KSR2: variants seen among roughly 807,000 people sequenced by gnomAD.
KSR2 encodes kinase suppressor of ras 2.
A neutral mutation model predicts 107.8 loss-of-function variants in KSR2; 25 were observed. The ratio of observed to expected loss-of-function variants is 0.23; its 90% CI spans 0.17 to 0.32. KSR2 has a LOEUF of 0.32. KSR2 is among the 10% of genes least tolerant of loss of function. KSR2 has a pLI of 1.00. For missense variants in KSR2, 887 were observed against 1,268.9 expected (o/e 0.70, Z 4.57); for synonymous variants, 480 against 507.0 (o/e 0.95, Z 0.71).
chr12:117,777,107 T>TATACAC (rs58787858), intron 3 of KSR2, among the ~76,000 whole-genome samples: 1 of 66,156 alleles, frequency 1.5e-5, no homozygotes, highest in African/African-American at 6.0e-5. Context: ...TATATATATA[T>TATACAC]ACACACACAC....
chr12:117,486,276 C>T (rs909696073), intron 14 of KSR2, among the ~76,000 whole-genome samples: 2 of 152,158 alleles, frequency 1.3e-5, no homozygotes, highest in East Asian at 1.9e-4. Flanking sequence ...GAGTTCATTT[C>T]GAGGACCAGT....
intron 1 of KSR2, among the ~76,000 whole-genome samples, chr12:117,895,402 T>C (rs1002658825): frequency 6.6e-6 from 1 of 152,118 alleles, no homozygotes; most frequent in South Asian, 2.1e-4. Context: ...GTTCTCTAAC[T>C]TGGCTGCACA....
intron 1 of KSR2, among the ~76,000 whole-genome samples, chr12:117,876,675 G>C: frequency 6.6e-6 from 1 of 150,998 alleles, no homozygotes; most frequent in Non-Finnish European, 1.5e-5. Context: ...TACTATATAT[G>C]TATACTGTAT....
chr12:117,632,598 G>A (rs892389250), intron 5 of KSR2, among the ~76,000 whole-genome samples: 6 of 152,022 alleles, frequency 3.9e-5, no homozygotes, highest in African/African-American at 7.2e-5. Context: ...GGTAAATTGC[G>A]TGTCATGGGG....
At chr12:117,474,464 G>C (rs1871653391) in intron 17 of KSR2, among the ~76,000 whole-genome samples, 1 of 151,852 alleles carries the variant, frequency 6.6e-6, no homozygotes, top group Non-Finnish European at 1.5e-5. Flanking sequence ...CTTTTCCAAG[G>C]AAGACTGTCT....
chr12:117,812,455 T>A (rs1891221232), intron 3 of KSR2, among the ~76,000 whole-genome samples: 1 of 152,172 alleles, frequency 6.6e-6, no homozygotes, highest in South Asian at 2.1e-4. Flanking sequence ...AGAGAGTTGA[T>A]CTAGACAGTT....
intron 1 of KSR2, among the ~76,000 whole-genome samples, chr12:117,953,229 T>A (rs1234377296): frequency 6.7e-6 from 1 of 150,044 alleles, no homozygotes; most frequent in Non-Finnish European, 1.5e-5. Context: ...CTGGTGGGAA[T>A]GTAAAAAACG....
At chr12:117,539,129 C>G (rs1193256823) in intron 10 of KSR2, among the ~76,000 whole-genome samples, 1 of 152,194 alleles carries the variant, frequency 6.6e-6, no homozygotes, top group African/African-American at 2.4e-5. Context: ...CTAGAGGAAC[C>G]TTCCAGATTA....
intron 1 of KSR2, among the ~76,000 whole-genome samples, chr12:117,888,576 C>T (rs1466161803): frequency 1.3e-5 from 2 of 152,118 alleles, no homozygotes; most frequent in South Asian, 4.2e-4. Flanking sequence ...GATCAGTGTC[C>T]TTCTAGGAAC....
intron 16 of KSR2, among the ~76,000 whole-genome samples, chr12:117,477,253 G>C (rs575664187): frequency 1.3e-5 from 2 of 152,288 alleles, no homozygotes; most frequent in South Asian, 4.1e-4. Flanking sequence ...GACCTAAGCT[G>C]GAAACATGTG....
chr12:117,847,477 C>G (rs1376246580), intron 3 of KSR2, among the ~76,000 whole-genome samples: 11 of 152,306 alleles, frequency 7.2e-5, no homozygotes, highest in Non-Finnish European at 2.9e-5. Flanking sequence ...TGCAAGGGCA[C>G]CTGCCTGTCT....
chr12:117,887,659 G>A (rs1041026129), intron 1 of KSR2, among the ~76,000 whole-genome samples: 1 of 152,134 alleles, frequency 6.6e-6, no homozygotes, highest in Non-Finnish European at 1.5e-5. Flanking sequence ...CAGCAGCATG[G>A]TGGCTGCCAG....
intron 7 of KSR2, among the ~76,000 whole-genome samples, chr12:117,574,184 C>T (rs898179972): frequency 6.7e-6 from 1 of 148,482 alleles, no homozygotes; most frequent in Middle Eastern, 3.4e-3. Flanking sequence ...GAGTGGAGCC[C>T]AGAAAACTGT....
At chr12:117,939,064 T>C (rs1895928003) in intron 1 of KSR2, among the ~76,000 whole-genome samples, 1 of 152,076 alleles carries the variant, frequency 6.6e-6, no homozygotes, top group Non-Finnish European at 1.5e-5. Flanking sequence ...GTAAGAATAT[T>C]TTAAGTACTG....
chr12:117,606,531 TCCTGCCTC>T (rs1421473019), intron 5 of KSR2, among the ~76,000 whole-genome samples: 1 of 74,548 alleles, frequency 1.3e-5, no homozygotes, highest in Non-Finnish European at 2.7e-5. Flanking sequence ...CCTCCTTCCT[TCCTGCCTC>T]CCTGCCTCCC....
intron 4 of KSR2, among the ~76,000 whole-genome samples, chr12:117,759,156 G>A (rs538678365): frequency 1.4e-3 from 208 of 152,306 alleles, no homozygotes; most frequent in African/African-American, 4.5e-3. Flanking sequence ...CATGTTCCAC[G>A]TCAATCACTG....
chr12:117,955,644 C>G (rs1175538782), intron 1 of KSR2, among the ~76,000 whole-genome samples: 2 of 151,866 alleles, frequency 1.3e-5, no homozygotes, highest in Non-Finnish European at 2.9e-5. Context: ...TCAGGAAAAT[C>G]AAACGCATCC....
chr12:117,615,214 T>TACACACAC (rs57116320), intron 5 of KSR2, among the ~76,000 whole-genome samples: 1 of 147,810 alleles, frequency 6.8e-6, no homozygotes, highest in Non-Finnish European at 1.5e-5. Flanking sequence ...TCTCTTCAGT[T>TACACACAC]ACACACACAC....
intron 3 of KSR2, among the ~76,000 whole-genome samples, chr12:117,804,664 C>A (rs969446521): frequency 2.0e-5 from 3 of 152,142 alleles, no homozygotes; most frequent in Non-Finnish European, 4.4e-5. Context: ...CATTAAGGAA[C>A]CGGCCTTCAA....
Sources: gnomAD v4.1 joint callset for allele counts (sites outside exome capture counted in the v4.1 genomes callset) on GRCh38, gnomAD v4.1.1 for gene constraint, MANE v1.5 for transcripts, NCBI Gene and HGNC (gene_info 2026-07-23, HGNC 2026-07-21) for gene names.